SLC39A12: variants seen among roughly 807,000 people sequenced by gnomAD.
SLC39A12 encodes zinc transporter ZIP12.
SLC39A12 carries 63 observed loss-of-function variants against 71.1 expected under a neutral mutation model. The ratio of observed to expected loss-of-function variants is 0.89; its 90% CI spans 0.72 to 1.09. SLC39A12 has a LOEUF of 1.09. Among genes scored for constraint, SLC39A12 ranks in the 50% least tolerant of loss-of-function variants. The pLI is 0.00. For missense variants in SLC39A12, 892 were observed against 812.6 expected (o/e 1.10, Z -1.19); for synonymous variants, 351 against 301.3 (o/e 1.16, Z -1.71).
chr10:18,020,023 A>T (rs563540595), intron 12 of SLC39A12, among the ~76,000 whole-genome samples: 33 of 152,020 alleles, frequency 2.2e-4, no homozygotes, highest in Non-Finnish European at 4.6e-4. Context: ...CAAGGGATAC[A>T]TGTGCAAGTA....
At chr10:18,000,154 G>A (rs1388788318) in intron 10 of SLC39A12, among the ~76,000 whole-genome samples, 1 of 152,178 alleles carries the variant, frequency 6.6e-6, no homozygotes, top group Admixed American at 6.5e-5. Context: ...GGAAGTGGCA[G>A]AAGGGGCAAG....
intron 12 of SLC39A12, among the ~76,000 whole-genome samples, chr10:18,028,540 C>T (rs1007532326): frequency 6.6e-6 from 1 of 151,350 alleles, no homozygotes; most frequent in Non-Finnish European, 1.5e-5. Context: ...TTTTGTGGAT[C>T]ATCCTTCTTT....
chr10:17,984,172 T>A lies in SLC39A12; in HGVS notation c.1096+2689T>A, dbSNP rs1835344257. On this transcript the variant is annotated intron_variant, in intron 6 of 12. Transcript: ENST00000377369. ...GCCAATCAAGACTTCATGGCACTTA[T>A]GCAGGGACCTGCAGTAAATTAGCAG... is the stretch of plus-strand genomic sequence containing the variant. 2.0e-5 allele frequency among the ~76,000 whole-genome samples: 3 copies of A among 152,342 alleles called. No homozygotes were observed. The South Asian group carries it at 6.2e-4, about 32-fold the overall frequency.
At chr10:17,978,245 C>T (rs933549722) in intron 5 of SLC39A12, among the ~76,000 whole-genome samples, 171 bp downstream of exon 5, 3 of 152,102 alleles carry the variant, frequency 2.0e-5, no homozygotes, top group African/African-American at 7.2e-5. Flanking sequence ...ACAAGTGTAT[C>T]TCTGTAGACA....
rs1554847161 is a variant in SLC39A12 at position 17,952,011 on chromosome 10, ATCTT to A, written c.-96_-93del. ...TGGAGCTCCAGATAAAGAATCGTTT[ATCTT>A]TCTTCTGAAGGTAAGCACTGGGGTT... On this transcript the variant is annotated 5_prime_UTR_variant, in exon 1 of 13. Coordinates refer to ENST00000377369, the MANE Select transcript of SLC39A12 (RefSeq NM_001145195.2). 6.6e-6 allele frequency: 1 copy of A among 152,198 alleles called. No individual in the cohort carries two copies. The highest frequency in any genetic ancestry group is 2.4e-5 in the African/African-American group (1 of 41,456). The allele number at this position is 152,198 out of a possible 1,614,324, so 9.4% of individuals were successfully genotyped here.
intron 5 of SLC39A12, among the ~76,000 whole-genome samples, chr10:17,979,994 A>G (rs2130807041): frequency 6.6e-6 from 1 of 152,290 alleles, no homozygotes; most frequent in East Asian, 1.9e-4. Context: ...AGGGAAAAAG[A>G]AAAAAGAAAA....
chr10:17,965,409 G>A, intron 3 of SLC39A12, 74 bp from the exon 4 acceptor site: 12 of 1,391,408 alleles, frequency 8.6e-6, no homozygotes, highest in Non-Finnish European at 1.1e-5. Flanking sequence ...CCTTTAGGGG[G>A]AAATTTCAGA....
intron 12 of SLC39A12, among the ~76,000 whole-genome samples, chr10:18,004,579 T>G (rs1201130326): frequency 2.0e-5 from 3 of 152,196 alleles, no homozygotes. Context: ...TTCCGGATGT[T>G]TTTCTTAATT....
At chr10:17,967,601 A>G (rs55691793) in intron 4 of SLC39A12, among the ~76,000 whole-genome samples, 13,053 of 152,072 alleles carry the variant, frequency 0.086, 576 homozygotes, top group Middle Eastern at 0.1. Flanking sequence ...TTTATTTCCC[A>G]GGCCGGGCGC....
chr10:18,025,378 C>G, intron 12 of SLC39A12, among the ~76,000 whole-genome samples: 1 of 152,010 alleles, frequency 6.6e-6, no homozygotes, highest in East Asian at 1.9e-4. Flanking sequence ...TGCTATCCCT[C>G]CTCCCTCCCC....
At chr10:17,993,095 G>C in intron 8 of SLC39A12, 86 bp from the exon 9 acceptor site, 1 of 894,112 alleles carries the variant, frequency 1.1e-6, no homozygotes, top group South Asian at 1.9e-5. Context: ...TTGGCCAATA[G>C]GCAATGGAAT....
At chr10:17,981,154 G>A (rs1056002617) in intron 5 of SLC39A12, among the ~76,000 whole-genome samples, 158 bp from the exon 6 acceptor site, 9 of 152,164 alleles carry the variant, frequency 5.9e-5, no homozygotes, top group African/African-American at 1.4e-4. Flanking sequence ...TAGGAATTAC[G>A]TACAGCTGAA....
rs1215799957 is a variant in SLC39A12 at position 17,978,003 on chromosome 10, G to T, written c.853G>T (p.Asp285Tyr). Residue 285 changes from aspartate (D) to tyrosine (Y), a missense_variant, in exon 5 of 13, where the codon GAT becomes TAT. Coordinates refer to ENST00000377369, the MANE Select transcript of SLC39A12 (RefSeq NM_001145195.2). ...QRKQNNIITH[D>Y]QDYSNFSSSM... is the part of the protein sequence containing the mutation. ...GAAACAAAACAACATAATAACCCAT[G>T]ATCAGGACTATTCTAATTTCTCTTC... 1 of 1,609,706 alleles carries T rather than the reference G, an allele frequency of 6.2e-7. No homozygotes were observed. Among genetic ancestry groups the T allele is most frequent in the African/African-American group, 1.3e-5 (1 of 74,698 alleles).
At chr10:18,007,719 A>T (rs1449797545) in intron 12 of SLC39A12, among the ~76,000 whole-genome samples, 2 of 151,950 alleles carry the variant, frequency 1.3e-5, no homozygotes, top group Non-Finnish European at 2.9e-5. Context: ...TTGCCCTGGC[A>T]TTTGTAAGTT....
chr10:17,992,498 A>G (rs935623431), intron 8 of SLC39A12, among the ~76,000 whole-genome samples: 7 of 152,216 alleles, frequency 4.6e-5, no homozygotes, highest in Admixed American at 2.0e-4. Flanking sequence ...TACAGTACTT[A>G]CCCTAAAAGT....
intron 12 of SLC39A12, among the ~76,000 whole-genome samples, chr10:18,036,790 A>ATTTTTTT (rs1464293480): frequency 2.9e-5 from 2 of 69,246 alleles, no homozygotes; most frequent in African/African-American, 6.1e-5. Flanking sequence ...ATATATATAT[A>ATTTTTTT]TATATTTTTT....
At chr10:18,000,273 G>A (rs1014288906) in intron 10 of SLC39A12, among the ~76,000 whole-genome samples, 2 of 152,328 alleles carry the variant, frequency 1.3e-5, no homozygotes, top group Middle Eastern at 3.4e-3. Context: ...ATTTTGGAGA[G>A]ACACAAACAT....
At chr10:18,015,065 G>A (rs1199243332) in intron 12 of SLC39A12, among the ~76,000 whole-genome samples, 1 of 152,136 alleles carries the variant, frequency 6.6e-6, no homozygotes, top group Non-Finnish European at 1.5e-5. Flanking sequence ...AGGCCAAACG[G>A]TCTTCCTAAT....
At position 17,977,953 on chromosome 10, in the gene SLC39A12, A is replaced by T; in HGVS notation, c.803A>T (p.Asn268Ile). Residue 268 changes from asparagine to isoleucine, a missense_variant, in exon 5 of 13, where the codon AAT (asparagine) becomes ATT (isoleucine). By Grantham distance (149) the Asn-to-Ile change is moderately radical (BLOSUM62 -3). Transcript: ENST00000377369. ...TLWTRSTCIK[N>I]EKIHQFQRKQ... is the part of the protein sequence containing the mutation. ...TGGACCAGAAGTACTTGTATCAAAA[A>T]TGAGAAAATCCATCAATTTCAAAGG... The T allele has an allele frequency of 6.2e-7, 1 of 1,612,026 alleles. No individual in the cohort carries two copies. Among genetic ancestry groups the T allele is most frequent in the Non-Finnish European group, 8.5e-7 (1 of 1,179,238 alleles).
Sources: gnomAD v4.1 joint callset for allele counts (sites outside exome capture counted in the v4.1 genomes callset) on GRCh38, gnomAD v4.1.1 for gene constraint, MANE v1.5 for transcripts, NCBI Gene and HGNC (gene_info 2026-07-23, HGNC 2026-07-21) for gene names.